LOC400499: variants seen among roughly 807,000 people sequenced by gnomAD.
At chr16:11,468,253 C>T in the LOC400499 span, among the ~76,000 whole-genome samples, 3 of 152,322 alleles carry the variant, frequency 2.0e-5, no homozygotes, top group Admixed American at 6.5e-5. Context: ...TTTCTCAGGG[C>T]GTGCATCAGT....
At chr16:11,418,247 C>G in the LOC400499 span, among the ~76,000 whole-genome samples, 4 of 152,314 alleles carry the variant, frequency 2.6e-5, no homozygotes, top group South Asian at 8.3e-4. Context: ...TGAACCAGAG[C>G]AACTCCATCT....
chr16:11,482,584 C>T, the LOC400499 span, among the ~76,000 whole-genome samples: 3 of 152,108 alleles, frequency 2.0e-5, no homozygotes, highest in Non-Finnish European at 2.9e-5. Context: ...TTCTGAGTTA[C>T]ATATCTGATG....
chr16:11,435,639 G>C, the LOC400499 span: 2 of 399,206 alleles, frequency 5.0e-6, no homozygotes, highest in Non-Finnish European at 8.8e-6. Flanking sequence ...CTGCCTCCTC[G>C]CAGGCCACCT....
At chr16:11,396,868 G>C in the LOC400499 span, among the ~76,000 whole-genome samples, 2 of 152,176 alleles carry the variant, frequency 1.3e-5, no homozygotes, top group Non-Finnish European at 2.9e-5. Flanking sequence ...ATGGCCCGTG[G>C]CCTGCTTTGT....
chr16:11,385,442 G>C, the LOC400499 span: 1 of 1,228,550 alleles, frequency 8.1e-7, no homozygotes, highest in Non-Finnish European at 1.0e-6. Flanking sequence ...CCAAAGGCAG[G>C]GTGAGCGGGG....
At chr16:11,390,552 G>C in the LOC400499 span, 2 of 1,052,202 alleles carry the variant, frequency 1.9e-6, no homozygotes, top group Admixed American at 8.5e-5. Flanking sequence ...CGAGGAGATA[G>C]GGCCTGTTCC....
chr16:11,527,329 C>T, the LOC400499 span, among the ~76,000 whole-genome samples: 1 of 152,066 alleles, frequency 6.6e-6, no homozygotes, highest in Non-Finnish European at 1.5e-5. Flanking sequence ...GCATTCAGAA[C>T]AGAGATCCAG....
chr16:11,512,996 A>G, the LOC400499 span, among the ~76,000 whole-genome samples: 1 of 152,196 alleles, frequency 6.6e-6, no homozygotes, highest in African/African-American at 2.4e-5. Flanking sequence ...TACCAGCCAG[A>G]GCTGCAGAAC....
the LOC400499 span, chr16:11,392,282 A>ACC: frequency 2.5e-6 from 1 of 398,072 alleles, no homozygotes; most frequent in Non-Finnish European, 4.4e-6. Flanking sequence ...GAGAACGGTA[A>ACC]CCCCTTCCCT....
chr16:11,384,326 C>G, the LOC400499 span: 1 of 1,230,944 alleles, frequency 8.1e-7, no homozygotes, highest in South Asian at 4.1e-5. Context: ...GCGGATATGC[C>G]TGTGGGGAAG....
At chr16:11,394,665 A>G in the LOC400499 span, among the ~76,000 whole-genome samples, 1 of 152,252 alleles carries the variant, frequency 6.6e-6, no homozygotes, top group African/African-American at 2.4e-5. Flanking sequence ...GGTAGGCCAC[A>G]CACCCAATGA....
At chr16:11,504,540 A>T in the LOC400499 span, among the ~76,000 whole-genome samples, 1 of 151,674 alleles carries the variant, frequency 6.6e-6, no homozygotes, top group Non-Finnish European at 1.5e-5. Context: ...TGAGCAACAG[A>T]GCGAGACTCC....
At chr16:11,475,216 G>T in the LOC400499 span, among the ~76,000 whole-genome samples, 219 of 152,182 alleles carry the variant, frequency 1.4e-3, 1 homozygote, top group Admixed American at 3.0e-3. Flanking sequence ...AATGCATGCG[G>T]GGCTTGTAAC....
the LOC400499 span, among the ~76,000 whole-genome samples, chr16:11,480,925 A>G: frequency 6.6e-6 from 1 of 152,270 alleles, no homozygotes; most frequent in East Asian, 1.9e-4. Flanking sequence ...AGCACTATTC[A>G]GTCTCCAAAA....
the LOC400499 span, chr16:11,446,638 T>G: frequency 6.5e-7 from 1 of 1,535,962 alleles, no homozygotes; most frequent in Non-Finnish European, 8.7e-7. Flanking sequence ...TGCACAGACC[T>G]GGGAGGGACA....
At chr16:11,396,591 G>C in the LOC400499 span, 29 of 1,232,146 alleles carry the variant, frequency 2.4e-5, no homozygotes, top group Non-Finnish European at 2.7e-5. Context: ...CCGTGGTCTG[G>C]GTCTGGTGCA....
chr16:11,518,523 T>C, the LOC400499 span, among the ~76,000 whole-genome samples: 938 of 151,868 alleles, frequency 6.2e-3, 11 homozygotes, highest in African/African-American at 0.021. Context: ...CAGAACACAC[T>C]CAACAACAAT....
At chr16:11,442,626 G>A in the LOC400499 span, 1 of 152,204 alleles carries the variant, frequency 6.6e-6, no homozygotes, top group East Asian at 1.9e-4. Context: ...TTGAGGCTTG[G>A]TGTGGTCACA....
the LOC400499 span, among the ~76,000 whole-genome samples, chr16:11,410,402 C>T: frequency 2.6e-5 from 4 of 151,810 alleles, no homozygotes; most frequent in African/African-American, 4.8e-5. Context: ...TGCAGTGAGC[C>T]GAAATTGTGC....
Sources: gnomAD v4.1 joint callset for allele counts (sites outside exome capture counted in the v4.1 genomes callset) on GRCh38, gnomAD v4.1.1 for gene constraint, MANE v1.5 for transcripts.